RBFOX1: variants seen among roughly 807,000 people sequenced by gnomAD.
RBFOX1 encodes RNA binding fox-1 homolog 1.
In RBFOX1, 8 loss-of-function variants were observed where a neutral mutation model predicts 57.7. The ratio of observed to expected loss-of-function variants is 0.14; its 90% CI spans 0.08 to 0.25. The LOEUF is 0.25. RBFOX1 is among the 10% of genes least tolerant of loss of function. The probability of loss-of-function intolerance (pLI) is 1.00; values close to 1 mark genes in which losing one functional copy is unlikely to be tolerated. For synonymous variants in RBFOX1, 326 were observed against 222.4 expected, an observed-to-expected ratio of 1.47 and a Z score of -4.15; for missense variants, 611 against 548.5, an observed-to-expected ratio of 1.11 and a Z score of -1.14.
intron 2 of RBFOX1, among the ~76,000 whole-genome samples, chr16:5,559,664 T>C (rs1428151851): frequency 6.6e-6 from 1 of 152,174 alleles, no homozygotes; most frequent in East Asian, 1.9e-4. Context: ...CTATCAATTT[T>C]CTCCTCTTTC....
chr16:7,166,775 T>TACAG (rs1021055794), intron 4 of RBFOX1, among the ~76,000 whole-genome samples: 3 of 151,954 alleles, frequency 2.0e-5, no homozygotes, highest in African/African-American at 7.3e-5. Context: ...ACTGGGTGGA[T>TACAG]ACAGGACAGA....
chr16:5,247,583 GC>G (rs34708512), intron 1 of RBFOX1, among the ~76,000 whole-genome samples: 2 of 152,190 alleles, frequency 1.3e-5, no homozygotes, highest in Non-Finnish European at 2.9e-5. Context: ...GCCAGAGACA[GC>G]CCCCTGCCTG....
chr16:6,503,995 G>A (rs550549153), intron 2 of RBFOX1, among the ~76,000 whole-genome samples: 2 of 152,184 alleles, frequency 1.3e-5, no homozygotes, highest in South Asian at 2.1e-4. Flanking sequence ...CCCTTTTTAA[G>A]AGCAGCCTTC....
At chr16:5,403,363 A>C (rs1171186249) in intron 1 of RBFOX1, among the ~76,000 whole-genome samples, 7 of 150,194 alleles carry the variant, frequency 4.7e-5, no homozygotes, top group African/African-American at 7.3e-5. Flanking sequence ...AAAAAAAAAA[A>C]AAAACAAAAA....
intron 3 of RBFOX1, among the ~76,000 whole-genome samples, chr16:6,988,814 C>A (rs1284510755): frequency 2.0e-5 from 3 of 150,158 alleles, no homozygotes; most frequent in East Asian, 2.0e-4. Context: ...GCTCATTGCC[C>A]AGGCTGGAGT....
chr16:6,899,409 G>A (rs1487277007), intron 3 of RBFOX1, among the ~76,000 whole-genome samples: 1 of 152,114 alleles, frequency 6.6e-6, no homozygotes, highest in African/African-American at 2.4e-5. Flanking sequence ...TTTTCATGAA[G>A]CATGGATACA....
In RBFOX1 at chr16:6,502,668, A is replaced by G. The variant is rs74386616; in HGVS notation, c.-63-151935A>G. ...AAGTGTTTGTATGTGGAACTTTTCT[A>G]TTGTTAACTCTTTTACCTCTGCTAA... On this transcript the variant is annotated intron_variant, in intron 2 of 15. Coordinates refer to ENST00000550418, the MANE Select transcript of RBFOX1 (RefSeq NM_018723.4). 9.9e-5 allele frequency among the ~76,000 whole-genome samples: 15 copies of G among 152,188 alleles called. No homozygotes were observed. In the East Asian group the frequency reaches 2.5e-3, roughly 26 times the overall value.
At chr16:6,783,172 T>A (rs1352698061) in intron 3 of RBFOX1, among the ~76,000 whole-genome samples, 4 of 151,686 alleles carry the variant, frequency 2.6e-5, no homozygotes, top group African/African-American at 9.7e-5. Flanking sequence ...TGGGTCTTTT[T>A]AAAAAAAAAT....
At chr16:7,188,107 G>C (rs1327034470) in intron 4 of RBFOX1, among the ~76,000 whole-genome samples, 2 of 152,120 alleles carry the variant, frequency 1.3e-5, no homozygotes, top group African/African-American at 4.8e-5. Context: ...TTTGGTAATT[G>C]TGTTTAACAA....
intron 1 of RBFOX1, among the ~76,000 whole-genome samples, chr16:5,457,664 A>G (rs539570757): frequency 3.3e-4 from 51 of 152,324 alleles, no homozygotes; most frequent in Non-Finnish European, 6.0e-4. Flanking sequence ...CTTAGTGCAG[A>G]TACTGCTTTC....
At chr16:6,925,703 G>A (rs892161600) in intron 3 of RBFOX1, among the ~76,000 whole-genome samples, 5 of 152,012 alleles carry the variant, frequency 3.3e-5, no homozygotes, top group African/African-American at 1.2e-4. Flanking sequence ...CAAGTATTTG[G>A]TAGTAAATAC....
intron 4 of RBFOX1, among the ~76,000 whole-genome samples, chr16:7,072,843 G>C (rs147770200): frequency 6.6e-6 from 1 of 152,328 alleles, no homozygotes; most frequent in East Asian, 1.9e-4. Flanking sequence ...GGAACGTCTT[G>C]AACATAAGTG....
chr16:6,500,060 C>T (rs528681836), intron 2 of RBFOX1, among the ~76,000 whole-genome samples: 8 of 152,172 alleles, frequency 5.3e-5, no homozygotes, highest in South Asian at 2.1e-4. Context: ...TTTTGTGAAC[C>T]GGGTGTGAAT....
intron 3 of RBFOX1, among the ~76,000 whole-genome samples, chr16:6,987,296 G>C (rs2090499224): frequency 2.0e-5 from 3 of 152,076 alleles, no homozygotes. Context: ...AGGATCATCT[G>C]GTTCAGTCCC....
chr16:7,311,927 T>G (rs1274455321), intron 4 of RBFOX1, among the ~76,000 whole-genome samples: 2 of 151,764 alleles, frequency 1.3e-5, no homozygotes, highest in African/African-American at 4.8e-5. Flanking sequence ...AGCAAGATAG[T>G]TTTTTTTTGT....
At chr16:5,457,966 C>G (rs745404757) in intron 1 of RBFOX1, among the ~76,000 whole-genome samples, 3 of 152,152 alleles carry the variant, frequency 2.0e-5, no homozygotes, top group Admixed American at 6.5e-5. Context: ...GATGAGAACT[C>G]TGACCCACTT....
chr16:7,149,292 G>A (rs184681150), intron 4 of RBFOX1, among the ~76,000 whole-genome samples: 4 of 152,070 alleles, frequency 2.6e-5, no homozygotes, highest in African/African-American at 9.6e-5. Flanking sequence ...TAAGGAGTTG[G>A]CAGTAGTCAT....
intron 3 of RBFOX1, among the ~76,000 whole-genome samples, chr16:7,021,600 AT>A (rs926846247): frequency 2.1e-5 from 3 of 145,578 alleles, no homozygotes; most frequent in Non-Finnish European, 3.0e-5. Context: ...AAAATATTTT[AT>A]TTTTTATAAA....
Position 7,415,324 on chromosome 16 carries a change from T to G in RBFOX1, c.28-102823T>G, listed in dbSNP as rs1398899935. On this transcript the variant is annotated intron_variant, in intron 4 of 15. Coordinates refer to ENST00000550418, the MANE Select transcript of RBFOX1 (RefSeq NM_018723.4). ...TAATCCAAGATAAATCCATATCTTCTGCCTGTGGAACCAGATGGAGTTCTG... is the reference window on the plus strand; with the variant it reads ...TAATCCAAGATAAATCCATATCTTCGGCCTGTGGAACCAGATGGAGTTCTG... Among the ~76,000 whole-genome samples, 3 of 152,300 alleles carry G rather than the reference T, an allele frequency of 2.0e-5. No homozygotes were observed. In the East Asian group the frequency reaches 5.8e-4, roughly 29 times the overall value.
Sources: gnomAD v4.1 joint callset for allele counts (sites outside exome capture counted in the v4.1 genomes callset) on GRCh38, gnomAD v4.1.1 for gene constraint, MANE v1.5 for transcripts, NCBI Gene and HGNC (gene_info 2026-07-23, HGNC 2026-07-21) for gene names.